GRIP1: variants seen among roughly 807,000 people sequenced by gnomAD.
GRIP1 encodes glutamate receptor interacting protein 1.
GRIP1 carries 45 observed loss-of-function variants against 129.9 expected under a neutral mutation model. The ratio of observed to expected loss-of-function variants is 0.35; its 90% CI spans 0.27 to 0.44. The LOEUF (loss-of-function observed/expected upper bound fraction) is 0.44. GRIP1 is among the 20% of genes least tolerant of loss of function. The pLI is 1.00. For synonymous variants in GRIP1, 530 were observed against 520.8 expected (o/e 1.02, Z -0.24); for missense variants, 1,196 against 1,396.8 (o/e 0.86, Z 2.29).
At chr12:66,382,488 G>A (rs1236744329) in intron 19 of GRIP1, among the ~76,000 whole-genome samples, 6 of 152,118 alleles carry the variant, frequency 3.9e-5, no homozygotes, top group Admixed American at 6.6e-5. Flanking sequence ...ATAACAATAG[G>A]TAGTTTACCA....
intron 1 of GRIP1, among the ~76,000 whole-genome samples, chr12:67,032,499 T>A (rs977762171): frequency 2.0e-5 from 3 of 152,154 alleles, no homozygotes; most frequent in Admixed American, 2.0e-4. Context: ...TGTTCCTAAT[T>A]TTTTCCCCTA....
intron 2 of GRIP1, among the ~76,000 whole-genome samples, chr12:66,557,118 C>T (rs1045484245): frequency 6.6e-6 from 1 of 151,844 alleles, no homozygotes; most frequent in Non-Finnish European, 1.5e-5. Context: ...AGACTGAAAA[C>T]AAGGGATGGA....
At chr12:66,692,868 C>A (rs1025870608) in intron 1 of GRIP1, among the ~76,000 whole-genome samples, 1 of 152,290 alleles carries the variant, frequency 6.6e-6, no homozygotes, top group Admixed American at 6.5e-5. Flanking sequence ...GTTTCTCTAG[C>A]TACTCATAGG....
chr12:66,878,412 T>A (rs1288898297), intron 1 of GRIP1, among the ~76,000 whole-genome samples: 1 of 150,230 alleles, frequency 6.7e-6, no homozygotes, highest in African/African-American at 2.5e-5. Flanking sequence ...CAGAAATGAG[T>A]GTGAGAGGGG....
At chr12:66,931,419 G>A (rs1015251561) in intron 1 of GRIP1, among the ~76,000 whole-genome samples, 1 of 152,192 alleles carries the variant, frequency 6.6e-6, no homozygotes, top group Non-Finnish European at 1.5e-5. Flanking sequence ...TCTGGCAGGT[G>A]ATTAAGCAAT....
At chr12:66,375,785 T>C (rs971846536) in intron 22 of GRIP1, among the ~76,000 whole-genome samples, 4 of 152,244 alleles carry the variant, frequency 2.6e-5, no homozygotes, top group African/African-American at 9.6e-5. Flanking sequence ...ATTGTATCAC[T>C]TTTTACATCA....
At chr12:66,887,130 T>C (rs2040579192) in intron 1 of GRIP1, among the ~76,000 whole-genome samples, 1 of 152,248 alleles carries the variant, frequency 6.6e-6, no homozygotes. Flanking sequence ...CTGGCTTTGC[T>C]AACTGCGTCA....
At chr12:66,895,789 T>C (rs972897530) in intron 1 of GRIP1, among the ~76,000 whole-genome samples, 2 of 152,250 alleles carry the variant, frequency 1.3e-5, no homozygotes, top group African/African-American at 4.8e-5. Flanking sequence ...ATGAGGAAGT[T>C]ATATACACTC....
rs1048148461 is a variant in GRIP1, at chr12:66,938,145, A to T, written c.58+130905T>A. 2.0e-5 allele frequency among the ~76,000 whole-genome samples: 3 copies of T among 152,288 alleles called. No individual in the cohort carries two copies. The South Asian group carries it at 6.2e-4, about 32-fold the overall frequency. On this transcript the variant is annotated intron_variant, in intron 1 of 1. Coordinates refer to the GRIP1 transcript ENST00000643019. ...GTAATCCCAGCACTTTGGGAGGCCA[A>T]GGCAGGCGGATTGCAAGGTCAAGAG...
At chr12:66,621,958 CTGTTGA>C (rs1407248038) in intron 1 of GRIP1, among the ~76,000 whole-genome samples, 2 of 151,984 alleles carry the variant, frequency 1.3e-5, no homozygotes, top group Admixed American at 6.6e-5. Context: ...TTTGCTTTTG[CTGTTGA>C]GTTGTAAAAT....
chr12:66,542,060 TG>T, intron 2 of GRIP1, 110 bp from the exon 3 acceptor site: 1 of 930,102 alleles, frequency 1.1e-6, no homozygotes. Flanking sequence ...AAGATATTTA[TG>T]GCCTCCTTCC....
chr12:66,445,229 T>C, intron 12 of GRIP1, 93 bp downstream of exon 12: 2 of 998,610 alleles, frequency 2.0e-6, no homozygotes, highest in Middle Eastern at 2.1e-4. Flanking sequence ...ATTTCCTGCA[T>C]TGAGCAATGT....
intron 2 of GRIP1, among the ~76,000 whole-genome samples, chr12:66,584,542 C>T (rs909886360): frequency 1.3e-5 from 2 of 151,936 alleles, no homozygotes; most frequent in African/African-American, 4.8e-5. Context: ...CATTGCATGC[C>T]AGCTGGGGAA....
intron 15 of GRIP1, among the ~76,000 whole-genome samples, chr12:66,415,996 A>G (rs189919219): frequency 4.6e-5 from 7 of 152,124 alleles, no homozygotes; most frequent in African/African-American, 1.7e-4. Context: ...TGATAGGTTG[A>G]TCTGTGCAGC....
chr12:66,387,985 A>C (rs2056425646), intron 19 of GRIP1, among the ~76,000 whole-genome samples: 1 of 152,210 alleles, frequency 6.6e-6, no homozygotes, highest in Non-Finnish European at 1.5e-5. Flanking sequence ...AATGAAAATA[A>C]ATAAATCATG....
At chr12:66,628,817 C>G (rs758821728) in intron 1 of GRIP1, among the ~76,000 whole-genome samples, 4 of 152,148 alleles carry the variant, frequency 2.6e-5, no homozygotes, top group African/African-American at 9.7e-5. Context: ...AAGAATGATC[C>G]GGCCCAAAAT....
intron 13 of GRIP1, among the ~76,000 whole-genome samples, chr12:66,439,360 C>T (rs1322918900): frequency 2.0e-5 from 3 of 152,170 alleles, no homozygotes; most frequent in Non-Finnish European, 2.9e-5. Flanking sequence ...GCACTTGGGC[C>T]TCAATCTCCT....
chr12:66,850,841 T>C lies in GRIP1; in HGVS notation c.58+218209A>G, dbSNP rs181372206. 3.3e-5 allele frequency among the ~76,000 whole-genome samples: 5 copies of C among 151,844 alleles called. No homozygotes were observed. In the East Asian group the frequency reaches 7.7e-4, roughly 24 times the overall value. On this transcript the variant is annotated intron_variant, in intron 1 of 1. Transcript: ENST00000643019. ...TGATAGATTAGTTTGTTCTCATTAA[T>C]ATGAATGTGACCTCTCTCCTGGTAA...
At chr12:66,997,072 A>C (rs144603495) in intron 1 of GRIP1, among the ~76,000 whole-genome samples, 1,591 of 152,272 alleles carry the variant, frequency 0.01, 30 homozygotes, top group African/African-American at 0.036. Context: ...CTATTCTCCA[A>C]AACCGGACCT....
Sources: allele counts gnomAD v4.1 joint callset (sites outside exome capture counted in the v4.1 genomes callset), GRCh38; gene constraint gnomAD v4.1.1; transcripts MANE v1.5; gene names NCBI Gene and HGNC (gene_info 2026-07-23, HGNC 2026-07-21).